Variants in RALYL observed in about 807,000 individuals in gnomAD.
The protein encoded by RALYL is RALY RNA binding protein like.
A neutral mutation model predicts 35.1 loss-of-function variants in RALYL; 29 were observed. The observed-to-expected ratio is 0.83, with a 90% CI of 0.61 to 1.13. The LOEUF (loss-of-function observed/expected upper bound fraction) is 1.13. Among genes scored for constraint, RALYL ranks in the 50% most tolerant of loss-of-function variants. The pLI, the probability that RALYL is intolerant of heterozygous loss-of-function variation, is 0.00. For missense variants in RALYL, 359 were observed against 360.4 expected (o/e 1.00, Z 0.03); for synonymous variants, 120 against 127.6 (o/e 0.94, Z 0.40).
intron 2 of RALYL, among the ~76,000 whole-genome samples, chr8:84,688,869 C>T (rs921493338): frequency 1.3e-5 from 2 of 151,730 alleles, no homozygotes; most frequent in East Asian, 3.9e-4. Context: ...AACTCAATAG[C>T]GAACAGCAAA....
At chr8:84,332,463 G>T (rs1847013097) in intron 1 of RALYL, among the ~76,000 whole-genome samples, 1 of 152,046 alleles carries the variant, frequency 6.6e-6, no homozygotes, top group Admixed American at 6.6e-5. Context: ...GGACAAAGGG[G>T]CAGGGGAATT....
intron 2 of RALYL, among the ~76,000 whole-genome samples, chr8:84,758,014 G>A (rs936080618): frequency 2.0e-5 from 3 of 152,078 alleles, no homozygotes; most frequent in Admixed American, 1.3e-4. Context: ...TGATTTCCAA[G>A]TAGTTTTGAC....
chr8:84,599,118 A>G (rs530866391), intron 2 of RALYL, among the ~76,000 whole-genome samples: 1 of 152,206 alleles, frequency 6.6e-6, no homozygotes, highest in East Asian at 1.9e-4. Context: ...GATTATTTAG[A>G]TGTAAAAATA....
intron 1 of RALYL, among the ~76,000 whole-genome samples, chr8:84,226,596 G>A (rs976255588): frequency 1.4e-4 from 17 of 118,728 alleles, no homozygotes; most frequent in African/African-American, 6.2e-4. Flanking sequence ...AATAAATGGT[G>A]GCTGGGAAGC....
At chr8:84,830,126 T>C (rs1830582974) in intron 4 of RALYL, among the ~76,000 whole-genome samples, 1 of 151,328 alleles carries the variant, frequency 6.6e-6, no homozygotes, top group South Asian at 2.1e-4. Flanking sequence ...CAGTATGAAC[T>C]GAAACAAAGA....
At chr8:84,380,877 C>T (rs534891919) in intron 1 of RALYL, among the ~76,000 whole-genome samples, 1 of 151,916 alleles carries the variant, frequency 6.6e-6, no homozygotes, top group African/African-American at 2.4e-5. Flanking sequence ...AGGTTACCTG[C>T]AGCAAGGGCT....
intron 7 of RALYL, among the ~76,000 whole-genome samples, chr8:84,884,741 G>A (rs1219746536): frequency 1.3e-5 from 2 of 152,080 alleles, no homozygotes; most frequent in Non-Finnish European, 2.9e-5. Context: ...CATTGAGAAT[G>A]TTTGGGTTTA....
At chr8:84,613,376 G>A (rs1045480554) in intron 2 of RALYL, among the ~76,000 whole-genome samples, 3 of 151,222 alleles carry the variant, frequency 2.0e-5, no homozygotes, top group Non-Finnish European at 4.4e-5. Flanking sequence ...ACAAAATTTG[G>A]GCAGAAAGCT....
intron 1 of RALYL, among the ~76,000 whole-genome samples, chr8:84,206,038 A>T (rs977221639): frequency 1.3e-5 from 2 of 152,090 alleles, no homozygotes; most frequent in African/African-American, 4.8e-5. Flanking sequence ...GTCTTATTGG[A>T]TTAAGGCCCA....
At chr8:84,318,084 C>T (rs890571121) in intron 1 of RALYL, among the ~76,000 whole-genome samples, 1 of 152,116 alleles carries the variant, frequency 6.6e-6, no homozygotes, top group South Asian at 2.1e-4. Flanking sequence ...TATTATGCCT[C>T]TATGGTAGGA....
intron 1 of RALYL, among the ~76,000 whole-genome samples, chr8:84,368,339 G>A (rs188557982): frequency 1.4e-3 from 208 of 152,226 alleles, no homozygotes; most frequent in African/African-American, 4.5e-3. Context: ...ATGTGATAAT[G>A]TACTATTATA....
chr8:84,300,196 C>G (rs1315663043), intron 1 of RALYL, among the ~76,000 whole-genome samples: 2 of 151,886 alleles, frequency 1.3e-5, no homozygotes, highest in African/African-American at 4.8e-5. Flanking sequence ...TATTATTTAT[C>G]AAAAAGTCAT....
intron 2 of RALYL, among the ~76,000 whole-genome samples, chr8:84,618,891 T>A: frequency 8.9e-6 from 1 of 112,230 alleles, no homozygotes; most frequent in Non-Finnish European, 1.8e-5. Flanking sequence ...AGTTTCCATG[T>A]AGTTGAGCGG....
intron 3 of RALYL, among the ~76,000 whole-genome samples, chr8:84,794,658 G>T (rs1821499528): frequency 6.6e-6 from 1 of 152,140 alleles, no homozygotes; most frequent in Admixed American, 6.6e-5. Context: ...AATCATATTG[G>T]AGAAAGGATG....
chr8:84,815,608 T>G (rs2134161708), intron 4 of RALYL, among the ~76,000 whole-genome samples: 1 of 151,978 alleles, frequency 6.6e-6, no homozygotes, highest in African/African-American at 2.4e-5. Context: ...CAATCATCCT[T>G]GAAACATTAT....
intron 8 of RALYL, among the ~76,000 whole-genome samples, chr8:84,890,477 C>T (rs1306486454): frequency 6.6e-6 from 1 of 152,124 alleles, no homozygotes; most frequent in Non-Finnish European, 1.5e-5. Flanking sequence ...GTGTTAGTAG[C>T]CAGTTAAGGT....
At chr8:84,314,109 G>A (rs1283101703) in intron 1 of RALYL, among the ~76,000 whole-genome samples, 1 of 152,096 alleles carries the variant, frequency 6.6e-6, no homozygotes, top group African/African-American at 2.4e-5. Flanking sequence ...AAGGCAGCAG[G>A]AGAGAGAGCG....
At chr8:84,885,266 C>T (rs1842771222) in intron 7 of RALYL, among the ~76,000 whole-genome samples, 1 of 151,946 alleles carries the variant, frequency 6.6e-6, no homozygotes, top group African/African-American at 2.4e-5. Context: ...TATTTAACTT[C>T]CTTTGAATTC....
At chr8:84,842,831 C>T (rs180899661) in intron 4 of RALYL, among the ~76,000 whole-genome samples, 2 of 152,038 alleles carry the variant, frequency 1.3e-5, no homozygotes, top group Non-Finnish European at 2.9e-5. Context: ...AATCAATAAA[C>T]GTTATCCAGC....
Sources: allele counts gnomAD v4.1 joint callset (sites outside exome capture counted in the v4.1 genomes callset), GRCh38; gene constraint gnomAD v4.1.1; transcripts MANE v1.5; gene names NCBI Gene and HGNC (gene_info 2026-07-23, HGNC 2026-07-21).